Variants in ELMO1 observed in about 807,000 individuals in gnomAD.
The protein encoded by ELMO1 is engulfment and cell motility 1.
A neutral mutation model predicts 98.9 loss-of-function variants in ELMO1; 26 were observed. The observed-to-expected ratio is 0.26, with a 90% CI of 0.19 to 0.36. ELMO1 has a LOEUF of 0.36. Ranked by LOEUF, ELMO1 falls within the 10% of genes least tolerant of loss-of-function variation. The pLI is 1.00. For synonymous variants in ELMO1, 346 were observed against 346.0 expected, an observed-to-expected ratio of 1.00 and a Z score of 0.00; for missense variants, 627 against 935.2, an observed-to-expected ratio of 0.67 and a Z score of 4.30.
At chr7:37,285,494 G>C (rs957785252) in intron 4 of ELMO1, among the ~76,000 whole-genome samples, 16 of 152,166 alleles carry the variant, frequency 1.1e-4, no homozygotes, top group African/African-American at 3.6e-4. Flanking sequence ...AGCCATCGAA[G>C]TGCTGCTATG....
intron 1 of ELMO1, among the ~76,000 whole-genome samples, chr7:37,369,376 T>C (rs936253932): frequency 6.6e-6 from 1 of 152,206 alleles, no homozygotes; most frequent in Non-Finnish European, 1.5e-5. Flanking sequence ...CATGAGCGTT[T>C]CCTTTGAGTG....
At chr7:37,329,135 A>T (rs1467657972) in intron 2 of ELMO1, among the ~76,000 whole-genome samples, 2 of 152,236 alleles carry the variant, frequency 1.3e-5, no homozygotes, top group African/African-American at 4.8e-5. Context: ...GCAAAGGCAG[A>T]GCAAAATGGA....
intron 19 of ELMO1, among the ~76,000 whole-genome samples, chr7:36,877,199 GA>G (rs997833688): frequency 1.3e-5 from 2 of 152,174 alleles, no homozygotes; most frequent in African/African-American, 2.4e-5. Context: ...AGGTCAAGGT[GA>G]CTTTTAAAGG....
chr7:37,275,596 C>G (rs1179076364), intron 4 of ELMO1, among the ~76,000 whole-genome samples: 1 of 152,160 alleles, frequency 6.6e-6, no homozygotes, highest in East Asian at 1.9e-4. Context: ...CGGACGCAGG[C>G]ACTGCATCTA....
At chr7:37,188,487 TAAAAAAA>T (rs869157346) in intron 13 of ELMO1, among the ~76,000 whole-genome samples, 2 of 32,046 alleles carry the variant, frequency 6.2e-5, no homozygotes, top group African/African-American at 1.7e-4. Context: ...TGGAGAAAGG[TAAAAAAA>T]AAAAAAAAAT....
chr7:37,059,147 A>C (rs1275362686), intron 15 of ELMO1, among the ~76,000 whole-genome samples: 1 of 152,128 alleles, frequency 6.6e-6, no homozygotes, highest in Admixed American at 6.5e-5. Flanking sequence ...TCACTCCAAT[A>C]TATTTCCCAT....
At chr7:36,930,454 G>T (rs1785944960) in intron 16 of ELMO1, among the ~76,000 whole-genome samples, 1 of 152,178 alleles carries the variant, frequency 6.6e-6, no homozygotes, top group South Asian at 2.1e-4. Context: ...ACCTTTGAAG[G>T]TTCATTTCTC....
chr7:36,893,982 C>T (rs1460637190), intron 17 of ELMO1, among the ~76,000 whole-genome samples: 2 of 152,136 alleles, frequency 1.3e-5, no homozygotes, highest in African/African-American at 4.8e-5. Context: ...AGAATTAAAA[C>T]TATGTTACAA....
intron 1 of ELMO1, among the ~76,000 whole-genome samples, chr7:37,368,411 T>C (rs924420332): frequency 6.6e-6 from 1 of 152,168 alleles, no homozygotes; most frequent in Non-Finnish European, 1.5e-5. Flanking sequence ...CAGAAAATGA[T>C]TCATCACAAT....
At chr7:37,316,611 C>A (rs989578910) in intron 2 of ELMO1, among the ~76,000 whole-genome samples, 1 of 152,122 alleles carries the variant, frequency 6.6e-6, no homozygotes, top group Non-Finnish European at 1.5e-5. Flanking sequence ...GCTCCGCCTG[C>A]CCCCAAGATA....
In ELMO1 at chr7:37,417,581, A is replaced by G. The variant is rs1212996032; in HGVS notation, c.-74+31094T>C. On this transcript the variant is annotated intron_variant, in intron 1 of 21. Coordinates refer to ENST00000310758, the MANE Select transcript of ELMO1 (RefSeq NM_014800.11). ...CGGGAGGCTGAGGCAGGAGAATGGC[A>G]TGAACCCAGGAGGCGGAGCTTGCAA... Among the ~76,000 whole-genome samples the G allele has an allele frequency of 3.3e-5, 5 of 149,854 alleles. No homozygotes were observed. In the East Asian group the frequency reaches 5.9e-4, roughly 18 times the overall value.
chr7:36,955,328 C>A (rs1054602667), intron 16 of ELMO1, among the ~76,000 whole-genome samples: 5 of 152,220 alleles, frequency 3.3e-5, no homozygotes, highest in African/African-American at 1.2e-4. Context: ...TCATACTCAC[C>A]ACTATAACCC....
At chr7:37,381,009 G>T (rs1005701178) in intron 1 of ELMO1, among the ~76,000 whole-genome samples, 8 of 152,200 alleles carry the variant, frequency 5.3e-5, no homozygotes, top group Non-Finnish European at 1.2e-4. Context: ...CACAAAAAGA[G>T]TACTTGTTTA....
At chr7:37,337,055 T>C (rs946643062) in intron 2 of ELMO1, among the ~76,000 whole-genome samples, 2 of 152,192 alleles carry the variant, frequency 1.3e-5, no homozygotes, top group African/African-American at 2.4e-5. Context: ...ACTGGGTATA[T>C]ACCCAGAGGA....
chr7:37,086,365 TGTG>T (rs1427678058), intron 15 of ELMO1, among the ~76,000 whole-genome samples: 7 of 150,494 alleles, frequency 4.7e-5, no homozygotes, highest in African/African-American at 1.7e-4. Flanking sequence ...TGTGTGTGTG[TGTG>T]AAGAGAAGGA....
At chr7:36,882,983 T>A (rs1368611361) in intron 18 of ELMO1, among the ~76,000 whole-genome samples, 1 of 152,192 alleles carries the variant, frequency 6.6e-6, no homozygotes, top group Non-Finnish European at 1.5e-5. Context: ...TAACAAAATA[T>A]TAAAATAAAA....
chr7:36,927,782 G>C (rs1785700862), intron 16 of ELMO1, among the ~76,000 whole-genome samples: 1 of 152,186 alleles, frequency 6.6e-6, no homozygotes, highest in Admixed American at 6.5e-5. Flanking sequence ...GTTCATACCA[G>C]AGTATGAATG....
intron 4 of ELMO1, among the ~76,000 whole-genome samples, chr7:37,280,462 GGATT>G (rs1443001423): frequency 6.6e-6 from 1 of 151,858 alleles, no homozygotes; most frequent in Non-Finnish European, 1.5e-5. Flanking sequence ...ATATGAAAAA[GGATT>G]GATATCCAGA....
At chr7:36,997,381 GCA>G (rs1792300170) in intron 16 of ELMO1, among the ~76,000 whole-genome samples, 3 of 152,170 alleles carry the variant, frequency 2.0e-5, no homozygotes, top group African/African-American at 7.2e-5. Flanking sequence ...ATGTGTTCCT[GCA>G]CAGAGACTGG....
Sources: gnomAD v4.1 joint callset for allele counts (sites outside exome capture counted in the v4.1 genomes callset) on GRCh38, gnomAD v4.1.1 for gene constraint, MANE v1.5 for transcripts, NCBI Gene and HGNC (gene_info 2026-07-23, HGNC 2026-07-21) for gene names.